Variants in APBA1 observed in about 807,000 individuals in gnomAD.
APBA1 encodes amyloid-beta A4 precursor protein-binding family A member 1.
In APBA1, 55 loss-of-function variants were observed where a neutral mutation model predicts 86.6. The ratio of observed to expected loss-of-function variants is 0.64; its 90% confidence interval spans 0.51 to 0.80. The LOEUF is 0.80. Ranked by LOEUF, APBA1 falls within the 30% of genes least tolerant of loss-of-function variation. The pLI, the probability that APBA1 is intolerant of heterozygous loss-of-function variation, is 0.00. For synonymous variants in APBA1, 511 were observed against 493.9 expected, an observed-to-expected ratio of 1.03 and a Z score of -0.46; for missense variants, 1,090 against 1,183.0, an observed-to-expected ratio of 0.92 and a Z score of 1.15.
intron 5 of APBA1, among the ~76,000 whole-genome samples, chr9:69,458,965 C>T (rs887558451): frequency 5.9e-5 from 9 of 152,264 alleles, no homozygotes; most frequent in South Asian, 2.1e-4. Context: ...CGCCACCACG[C>T]CTGGCTAGTT....
intron 1 of APBA1, among the ~76,000 whole-genome samples, chr9:69,567,715 C>G (rs1233631183): frequency 1.3e-5 from 2 of 152,168 alleles, no homozygotes; most frequent in African/African-American, 4.8e-5. Context: ...GTCAGTCTGA[C>G]TAATGCAGGG....
chr9:69,513,615 A>T (rs1164884104), intron 2 of APBA1, among the ~76,000 whole-genome samples: 1 of 152,148 alleles, frequency 6.6e-6, no homozygotes. Context: ...GAGTGCACTT[A>T]TTTTTCACTA....
intron 1 of APBA1, among the ~76,000 whole-genome samples, chr9:69,627,327 TTCTC>T (rs1483394603): frequency 1.3e-5 from 2 of 152,124 alleles, no homozygotes; most frequent in Non-Finnish European, 1.5e-5. Flanking sequence ...TTATTTCTCC[TTCTC>T]TCTCTCAGTC....
chr9:69,441,280 C>T (rs932103700), intron 10 of APBA1, among the ~76,000 whole-genome samples, 165 bp from the exon 11 acceptor site: 10 of 152,174 alleles, frequency 6.6e-5, no homozygotes, highest in Non-Finnish European at 1.2e-4. Flanking sequence ...AGTCACTGCT[C>T]GGCTTCACCT....
intron 1 of APBA1, among the ~76,000 whole-genome samples, chr9:69,598,520 G>A (rs1347764059): frequency 2.6e-5 from 4 of 152,140 alleles, no homozygotes; most frequent in Non-Finnish European, 5.9e-5. Flanking sequence ...TGACAGGTGT[G>A]GTCCTTCTGG....
intron 1 of APBA1, among the ~76,000 whole-genome samples, chr9:69,664,231 T>C (rs959323449): frequency 6.6e-6 from 1 of 152,204 alleles, no homozygotes; most frequent in Non-Finnish European, 1.5e-5. Context: ...AAGGAGGCCA[T>C]GATTTTAACA....
intron 1 of APBA1, among the ~76,000 whole-genome samples, chr9:69,591,659 A>C (rs1051709929): frequency 2.2e-4 from 34 of 152,232 alleles, no homozygotes; most frequent in Non-Finnish European, 4.6e-4. Flanking sequence ...ATCTGGGAAC[A>C]GATTTTAGCA....
At chr9:69,529,116 T>G (rs1836386332) in intron 1 of APBA1, among the ~76,000 whole-genome samples, 1 of 152,144 alleles carries the variant, frequency 6.6e-6, no homozygotes, top group African/African-American at 2.4e-5. Flanking sequence ...TCAGATTGAA[T>G]TCTTGTTCCT....
chr9:69,436,048 A>AT (rs1286811668), intron 11 of APBA1, among the ~76,000 whole-genome samples: 1 of 150,604 alleles, frequency 6.6e-6, no homozygotes, highest in African/African-American at 2.4e-5. Flanking sequence ...CCTTTCCCCC[A>AT]TTGCTTGTTT....
intron 1 of APBA1, among the ~76,000 whole-genome samples, chr9:69,607,867 T>C (rs997559686): frequency 5.3e-5 from 8 of 152,190 alleles, no homozygotes; most frequent in Admixed American, 4.6e-4. Context: ...AGTTTCCTTA[T>C]CTATAAAATG....
chr9:69,635,732 A>C (rs1357386071), intron 1 of APBA1, among the ~76,000 whole-genome samples: 1 of 152,166 alleles, frequency 6.6e-6, no homozygotes, highest in Non-Finnish European at 1.5e-5. Context: ...CAAGACAAAA[A>C]CTGTAAGAGG....
At chr9:69,513,596 T>A (rs1162245370) in intron 2 of APBA1, among the ~76,000 whole-genome samples, 1 of 152,210 alleles carries the variant, frequency 6.6e-6, no homozygotes, top group East Asian at 1.9e-4. Flanking sequence ...CAAGGAGAAT[T>A]CTACACGTGA....
intron 10 of APBA1, among the ~76,000 whole-genome samples, chr9:69,445,728 G>A (rs560264270): frequency 1.3e-5 from 2 of 152,344 alleles, no homozygotes; most frequent in African/African-American, 4.8e-5. Context: ...AAGGTAGGAA[G>A]AGTAAGGCAA....
intron 2 of APBA1, among the ~76,000 whole-genome samples, chr9:69,492,825 A>C (rs1251157759): frequency 1.3e-5 from 2 of 152,112 alleles, no homozygotes; most frequent in Non-Finnish European, 2.9e-5. Context: ...GCCAACTTTA[A>C]TGAGTTCCAA....
chr9:69,642,839 C>G lies in APBA1; in HGVS notation c.-70+29314G>C, dbSNP rs767602224. ...ACCGCCTGAACAAGAAGGAATTCTC[C>G]CAGCAGACTGCCTTTGAATTTGAAC... On this transcript the variant is annotated intron_variant, in intron 1 of 12. Transcript: ENST00000265381. Among the ~76,000 whole-genome samples the G allele has an allele frequency of 7.9e-5, 12 of 151,948 alleles. No homozygotes were observed. The Middle Eastern group carries it at 0.021, about 260-fold the overall frequency.
chr9:69,574,834 A>G (rs1220191815), intron 1 of APBA1, among the ~76,000 whole-genome samples: 4 of 152,216 alleles, frequency 2.6e-5, no homozygotes, highest in African/African-American at 7.2e-5. Flanking sequence ...GAGGGAAGCC[A>G]AGTCAGGGTA....
intron 1 of APBA1, among the ~76,000 whole-genome samples, chr9:69,564,589 G>A (rs938073604): frequency 6.6e-6 from 1 of 152,156 alleles, no homozygotes; most frequent in Non-Finnish European, 1.5e-5. Flanking sequence ...ATGCTCAGAA[G>A]GGGCCAGAAT....
At chr9:69,500,093 C>T (rs1835859040) in intron 2 of APBA1, among the ~76,000 whole-genome samples, 1 of 152,066 alleles carries the variant, frequency 6.6e-6, no homozygotes. Context: ...GAAGGAAAGG[C>T]TGACGGTATA....
At chr9:69,481,773 A>T (rs1404936705) in intron 2 of APBA1, among the ~76,000 whole-genome samples, 1 of 151,326 alleles carries the variant, frequency 6.6e-6, no homozygotes, top group East Asian at 1.9e-4. Flanking sequence ...CAAAACAGAG[A>T]TATAGATCAA....
Sources: gnomAD v4.1 joint callset for allele counts (sites outside exome capture counted in the v4.1 genomes callset) on GRCh38, gnomAD v4.1.1 for gene constraint, MANE v1.5 for transcripts, NCBI Gene and HGNC (gene_info 2026-07-23, HGNC 2026-07-21) for gene names.